Variants in NIBAN1 observed in about 807,000 individuals in gnomAD.
NIBAN1 encodes the protein protein Niban 1.
NIBAN1 carries 81 observed loss-of-function variants against 75.1 expected under a neutral mutation model. The observed-to-expected ratio is 1.08, with a 90% CI of 0.90 to 1.30. The LOEUF is 1.30. Ranked by LOEUF, NIBAN1 falls within the 50% of genes most tolerant of loss-of-function variation. NIBAN1 has a pLI of 0.00. For missense variants in NIBAN1, 1,133 were observed against 1,128.1 expected, an observed-to-expected ratio of 1.00 and a Z score of -0.06; for synonymous variants, 436 against 424.8, an observed-to-expected ratio of 1.03 and a Z score of -0.32.
At chr1:184,919,713 G>A (rs1039635660) in intron 1 of NIBAN1, among the ~76,000 whole-genome samples, 1 of 152,024 alleles carries the variant, frequency 6.6e-6, no homozygotes, top group African/African-American at 2.4e-5. Context: ...TAACAGGTGA[G>A]GAATAAAACG....
rs115185737 is a variant in NIBAN1, at chr1:184,812,493, T to A, written c.1174-4258A>T. Reference sequence around the variant, plus strand: ...CCAAAAGGTAAGAATTTCTTACCAGTCAGATTTCTGGCTTCTCTCTATATA... The same window carrying A: ...CCAAAAGGTAAGAATTTCTTACCAGACAGATTTCTGGCTTCTCTCTATATA... On this transcript the variant is annotated intron_variant, in intron 9 of 13. Transcript: ENST00000367511. 3.7e-3 allele frequency among the ~76,000 whole-genome samples: 565 copies of A among 152,306 alleles called. 7 individuals carry two copies. The highest frequency in any genetic ancestry group is 0.013 in the African/African-American group (546 of 41,554).
At chr1:184,881,101 G>GCA (rs375874645) in intron 5 of NIBAN1, among the ~76,000 whole-genome samples, 21,844 of 147,230 alleles carry the variant, frequency 0.15, 2,859 homozygotes, top group African/African-American at 0.36. Context: ...ATGTGAGCAT[G>GCA]CACACACACA....
chr1:184,876,166 T>A lies in NIBAN1; in HGVS notation c.601+8467A>T, dbSNP rs1194875309. ...CCAGCTTGGGTAATAAGAGTGAAAC[T>A]TCGTCTCCAGAAAAAAAAAAAAAGA... On this transcript the variant is annotated intron_variant, in intron 5 of 13. Transcript: ENST00000367511. Among the ~76,000 whole-genome samples, 3 of 148,676 alleles carry A rather than the reference T, an allele frequency of 2.0e-5. No individual in the cohort carries two copies. In the South Asian group the frequency reaches 6.3e-4, roughly 31 times the overall value.
intron 3 of NIBAN1, among the ~76,000 whole-genome samples, chr1:184,892,890 C>T (rs1311135708): frequency 6.6e-6 from 1 of 152,040 alleles, no homozygotes; most frequent in East Asian, 1.9e-4. Flanking sequence ...TCCTGCCTCA[C>T]CCTCTTGAGT....
Position 184,820,501 on chromosome 1 carries a change from T to A in NIBAN1, c.986-1676A>T, listed in dbSNP as rs138788348. Among the ~76,000 whole-genome samples the A allele has an allele frequency of 2.9e-3, 449 of 152,346 alleles. 4 individuals are homozygous for A. The East Asian group carries it at 0.038, about 13-fold the overall frequency. On this transcript the variant is annotated intron_variant, in intron 8 of 13. Transcript: ENST00000367511. ...TCAAGGCCCAGTTCAAATTTCACCC[T>A]AATGTCCTGGAACTCCCACACAGCT...
At chr1:184,880,984 G>A (rs1463265851) in intron 5 of NIBAN1, among the ~76,000 whole-genome samples, 1 of 152,156 alleles carries the variant, frequency 6.6e-6, no homozygotes. Flanking sequence ...GTCCAGTGAG[G>A]TGGAGTGGGA....
At chr1:184,804,774 T>G (rs1009366181) in intron 11 of NIBAN1, among the ~76,000 whole-genome samples, 8 of 149,776 alleles carry the variant, frequency 5.3e-5, no homozygotes, top group African/African-American at 9.9e-5. Context: ...ATATTGGTGT[T>G]TTTTTTTTTG....
At chr1:184,824,586 C>T (rs1187859011) in intron 6 of NIBAN1, among the ~76,000 whole-genome samples, 1 of 152,128 alleles carries the variant, frequency 6.6e-6, no homozygotes, top group Non-Finnish European at 1.5e-5. Flanking sequence ...ATGGAGATGC[C>T]AGAACAGACC....
At position 184,806,042 on chromosome 1, in the gene NIBAN1, T is replaced by A. The variant is rs750153864; in HGVS notation, c.1350A>T (p.Ala450=). 1 of 1,613,968 alleles carries A rather than the reference T, an allele frequency of 6.2e-7. No homozygotes were observed. The highest frequency in any genetic ancestry group is 8.5e-7 in the Non-Finnish European group (1 of 1,179,926). The change falls in exon 11 of 14, where the codon GCA becomes GCT. Residue 450 remains alanine, a synonymous_variant. Coordinates refer to ENST00000367511, the MANE Select transcript of NIBAN1 (RefSeq NM_052966.4). ...AAAGCAACTGCTCAAAAGTGAACAC[T>A]GCATTCTCCATTAGCTAGAAACCAG... ...QNYMQELMEN[A]VFTFEQLLSP...
intron 1 of NIBAN1, among the ~76,000 whole-genome samples, chr1:184,962,675 T>G (rs912386264): frequency 1.3e-5 from 2 of 152,112 alleles, no homozygotes; most frequent in Non-Finnish European, 2.9e-5. Context: ...CAAATACTAC[T>G]GGGGTAATTT....
At chr1:184,894,374 C>T (rs1047609863) in intron 2 of NIBAN1, among the ~76,000 whole-genome samples, 168 bp from the exon 3 acceptor site, 14 of 152,174 alleles carry the variant, frequency 9.2e-5, no homozygotes, top group African/African-American at 3.1e-4. Flanking sequence ...TTTCCTACTC[C>T]ACTTGACCCA....
chr1:184,913,791 C>A (rs1439799499), intron 1 of NIBAN1, among the ~76,000 whole-genome samples: 1 of 152,072 alleles, frequency 6.6e-6, no homozygotes, highest in Non-Finnish European at 1.5e-5. Flanking sequence ...TTCCACACTG[C>A]GAAAAGGAAA....
chr1:184,953,698 G>C (rs897933111), intron 1 of NIBAN1, among the ~76,000 whole-genome samples: 1 of 152,224 alleles, frequency 6.6e-6, no homozygotes, highest in Non-Finnish European at 1.5e-5. Flanking sequence ...AAACAAAGTA[G>C]TTAGCTATAG....
intron 1 of NIBAN1, among the ~76,000 whole-genome samples, chr1:184,965,882 G>A (rs1334616724): frequency 6.6e-6 from 1 of 152,200 alleles, no homozygotes; most frequent in Admixed American, 6.5e-5. Flanking sequence ...AGAAAATACA[G>A]GAGAAATGTG....
chr1:184,791,269 G>T lies in NIBAN1; in HGVS notation c.*3708C>A. On this transcript the variant is annotated 3_prime_UTR_variant, in exon 14 of 14. Coordinates refer to ENST00000367511, the MANE Select transcript of NIBAN1 (RefSeq NM_052966.4). ...CGACTGATACTATTATTAAGTCAAT[G>T]ATGTCCTTCCCTTCTTCACATCAAA... 1 of 241,272 alleles carries T rather than the reference G, an allele frequency of 4.1e-6. No homozygotes were observed. The highest frequency in any genetic ancestry group is 8.5e-6 in the Non-Finnish European group (1 of 118,124). The allele number at this position is 241,272 out of a possible 1,614,324, so 14.9% of individuals were successfully genotyped here. A position where few individuals can be genotyped will look rare whatever the true frequency, so the allele number is the denominator to read the frequency against.
intron 1 of NIBAN1, among the ~76,000 whole-genome samples, chr1:184,915,459 C>T (rs1179413626): frequency 1.3e-5 from 2 of 152,192 alleles, no homozygotes; most frequent in Non-Finnish European, 2.9e-5. Context: ...AAAGTACCAA[C>T]TTCAAAGCCC....
Position 184,917,368 on chromosome 1 carries a change from A to ATTT in NIBAN1, c.56-18062_56-18060dup, listed in dbSNP as rs1168037153. 1.5e-3 allele frequency among the ~76,000 whole-genome samples: 132 copies of ATTT among 89,090 alleles called. 2 individuals are homozygous for ATTT. The highest frequency in any genetic ancestry group is 3.3e-3 in the African/African-American group (75 of 22,728). The allele number at this position is 89,090 out of a possible 152,430, so 58.4% of individuals were successfully genotyped here. A position where few individuals can be genotyped will look rare whatever the true frequency, so the allele number is the denominator to read the frequency against. ...AGACACCCGCCACCACGCCCGGCTAATTTTTTTTTTTTTTTTTTTTTTTTT... is the reference window on the plus strand; with the variant it reads ...AGACACCCGCCACCACGCCCGGCTAATTTTTTTTTTTTTTTTTTTTTTTTTTTT... On this transcript the variant is annotated intron_variant, in intron 1 of 13. Coordinates refer to ENST00000367511, the MANE Select transcript of NIBAN1 (RefSeq NM_052966.4).
intron 1 of NIBAN1, among the ~76,000 whole-genome samples, chr1:184,949,668 A>G (rs1230368723): frequency 6.6e-6 from 1 of 152,180 alleles, no homozygotes; most frequent in Non-Finnish European, 1.5e-5. Flanking sequence ...TTTAAATAAG[A>G]GTAAGAGATA....
intron 1 of NIBAN1, among the ~76,000 whole-genome samples, chr1:184,954,439 A>T (rs1658432800): frequency 1.3e-5 from 2 of 152,172 alleles, no homozygotes; most frequent in Non-Finnish European, 2.9e-5. Context: ...TTTCCTTGTG[A>T]GTTTAACCAT....
Sources: allele counts gnomAD v4.1 joint callset (sites outside exome capture counted in the v4.1 genomes callset), GRCh38; gene constraint gnomAD v4.1.1; transcripts MANE v1.5; gene names NCBI Gene and HGNC (gene_info 2026-07-23, HGNC 2026-07-21).